Variants in RSPO2 observed in about 807,000 individuals in gnomAD.
RSPO2 encodes R-spondin 2.
In RSPO2, 14 loss-of-function variants were observed where a neutral mutation model predicts 30.9. The observed-to-expected ratio is 0.45, with a 90% CI of 0.30 to 0.71. The LOEUF is 0.71. Among genes scored for constraint, RSPO2 ranks in the 30% least tolerant of loss-of-function variants. RSPO2 has a pLI of 0.08. For synonymous variants in RSPO2, 107 were observed against 96.4 expected (o/e 1.11, Z -0.64); for missense variants, 264 against 301.9 (o/e 0.87, Z 0.93).
chr8:107,905,379 G>A (rs370865951), intron 5 of RSPO2, among the ~76,000 whole-genome samples: 57 of 152,040 alleles, frequency 3.7e-4, no homozygotes, highest in East Asian at 1.5e-3. Flanking sequence ...ATATGTATAC[G>A]TAATACATGG....
rs1232139677 is a variant in RSPO2, at chr8:108,055,964, T to C, written c.94+26581A>G. Among the ~76,000 whole-genome samples the C allele has an allele frequency of 3.9e-5, 6 of 152,176 alleles. No individual in the cohort carries two copies. In the South Asian group the frequency reaches 1.0e-3, roughly 26 times the overall value. On this transcript the variant is annotated intron_variant, in intron 2 of 5. Coordinates refer to ENST00000276659, the MANE Select transcript of RSPO2 (RefSeq NM_178565.5). ...ATGCCTAGATAGAATTCTAGTTCCA[T>C]CACTTATTAGCTCTGAACTTAGACA...
chr8:107,905,730 T>C (rs1403121589), intron 5 of RSPO2, among the ~76,000 whole-genome samples: 4 of 151,124 alleles, frequency 2.6e-5, no homozygotes, highest in African/African-American at 9.7e-5. Flanking sequence ...CTTTTACATC[T>C]AAAGTCAGAA....
chr8:108,029,921 G>A (rs192742279), intron 2 of RSPO2, among the ~76,000 whole-genome samples: 4 of 152,050 alleles, frequency 2.6e-5, no homozygotes, highest in African/African-American at 9.7e-5. Flanking sequence ...GATAGTCCTT[G>A]TCCTTGTAAA....
Position 107,901,866 on chromosome 8 carries a change from G to A in RSPO2, c.617-676C>T, listed in dbSNP as rs74362241. Among the ~76,000 whole-genome samples the A allele has an allele frequency of 5.3e-3, 803 of 152,276 alleles. 7 individuals carry two copies. Among genetic ancestry groups the A allele is most frequent in the African/African-American group, 0.017 (703 of 41,548 alleles). ...GGTGGTATGTGTCTAACTACCAGAC[G>A]ATCATACCAAGTATTTCTCTTCTTT... On this transcript the variant is annotated intron_variant, in intron 5 of 5. Coordinates refer to ENST00000276659, the MANE Select transcript of RSPO2 (RefSeq NM_178565.5).
chr8:108,062,151 C>CA (rs1261931740), intron 2 of RSPO2, among the ~76,000 whole-genome samples: 1 of 151,746 alleles, frequency 6.6e-6, no homozygotes, highest in Non-Finnish European at 1.5e-5. Context: ...CAAACACATT[C>CA]AAAAGCTAGC....
At chr8:107,982,414 T>C (rs1814474782) in intron 3 of RSPO2, among the ~76,000 whole-genome samples, 1 of 152,188 alleles carries the variant, frequency 6.6e-6, no homozygotes, top group South Asian at 2.1e-4. Flanking sequence ...TGTCCAAGGC[T>C]AATTTTCCCA....
chr8:107,954,427 C>T (rs1813348628), intron 5 of RSPO2, among the ~76,000 whole-genome samples: 1 of 151,988 alleles, frequency 6.6e-6, no homozygotes, highest in South Asian at 2.1e-4. Context: ...TAAATTGGTC[C>T]CAACATGATT....
At chr8:107,952,288 T>TGC (rs1813276727) in intron 5 of RSPO2, among the ~76,000 whole-genome samples, 1 of 90,094 alleles carries the variant, frequency 1.1e-5, no homozygotes, top group Non-Finnish European at 2.6e-5. Context: ...CACACACACA[T>TGC]GCACACACAC....
chr8:108,024,025 T>C (rs1331101193), intron 2 of RSPO2, among the ~76,000 whole-genome samples: 1 of 152,096 alleles, frequency 6.6e-6, no homozygotes, highest in East Asian at 1.9e-4. Flanking sequence ...ATTACTAAAA[T>C]TTCATGGTGT....
At position 108,032,922 on chromosome 8, in the gene RSPO2, C is replaced by T. The variant is rs563483310; in HGVS notation, c.95-43678G>A. Among the ~76,000 whole-genome samples the T allele has an allele frequency of 3.6e-3, 548 of 151,752 alleles. 1 individual carries two copies. The highest frequency in any genetic ancestry group is 5.9e-3 in the Non-Finnish European group (400 of 67,898). On this transcript the variant is annotated intron_variant, in intron 2 of 5. Coordinates refer to ENST00000276659, the MANE Select transcript of RSPO2 (RefSeq NM_178565.5). ...AAAATTAGCCGGGTGTGGTGGCAGG[C>T]ACCTGTAGTCCCAGCTACTTGGGAG...
At chr8:107,934,898 C>T (rs1034205849) in intron 5 of RSPO2, among the ~76,000 whole-genome samples, 2 of 152,192 alleles carry the variant, frequency 1.3e-5, no homozygotes, top group African/African-American at 2.4e-5. Context: ...TGTCTTTAAT[C>T]TCTTAATCCC....
chr8:108,003,061 T>C lies in RSPO2; in HGVS notation c.95-13817A>G, dbSNP rs1331315915. On this transcript the variant is annotated intron_variant, in intron 2 of 5. Transcript: ENST00000276659. ...ATTTAGACCTCAATAATTTTTTTTT[T>C]TTTTTTTGAGACAGAGTTTCATTCT... 4.0e-5 allele frequency among the ~76,000 whole-genome samples: 6 copies of C among 150,580 alleles called. No homozygotes were observed. The East Asian group carries it at 9.7e-4, about 24-fold the overall frequency.
intron 2 of RSPO2, chr8:108,082,049 C>T: frequency 3.6e-6 from 1 of 281,376 alleles, no homozygotes; most frequent in Non-Finnish European, 5.4e-6. Flanking sequence ...CGCTTGGGTA[C>T]ACCCACACAC....
At chr8:108,046,777 C>T (rs1247609453) in intron 2 of RSPO2, among the ~76,000 whole-genome samples, 1 of 152,152 alleles carries the variant, frequency 6.6e-6, no homozygotes, top group Non-Finnish European at 1.5e-5. Context: ...TTTAAATATT[C>T]ACCCTATTAA....
rs117853429 is a variant in RSPO2 at position 108,057,786 on chromosome 8, T to G, written c.94+24759A>C. On this transcript the variant is annotated intron_variant, in intron 2 of 5. Transcript: ENST00000276659. Reference sequence around the variant, plus strand: ...TGCAATATAACCAGTTTCTTCAGTTTGCAATACTGTTTGTTCTTTTAAGAG... The same window carrying G: ...TGCAATATAACCAGTTTCTTCAGTTGGCAATACTGTTTGTTCTTTTAAGAG... 1.3e-3 allele frequency among the ~76,000 whole-genome samples: 193 copies of G among 151,526 alleles called. 8 individuals carry two copies. The East Asian group carries it at 0.036, about 28-fold the overall frequency.
intron 5 of RSPO2, among the ~76,000 whole-genome samples, chr8:107,911,223 G>T (rs929594865): frequency 6.6e-6 from 1 of 152,146 alleles, no homozygotes; most frequent in Middle Eastern, 3.2e-3. Flanking sequence ...AATAGCCTCT[G>T]TCCTCTTTTG....
chr8:107,965,033 C>G (rs1440647284), intron 3 of RSPO2, among the ~76,000 whole-genome samples: 1 of 152,162 alleles, frequency 6.6e-6, no homozygotes, highest in African/African-American at 2.4e-5. Flanking sequence ...ACCATTAAAA[C>G]ACCAGTAGGA....
intron 3 of RSPO2, among the ~76,000 whole-genome samples, chr8:107,962,794 A>C (rs767757672): frequency 3.3e-5 from 5 of 152,210 alleles, no homozygotes; most frequent in Non-Finnish European, 5.9e-5. Context: ...AGATGAAAAA[A>C]AAAAGCTCTT....
At chr8:107,975,393 A>C (rs1362018160) in intron 3 of RSPO2, among the ~76,000 whole-genome samples, 2 of 152,210 alleles carry the variant, frequency 1.3e-5, no homozygotes, top group African/African-American at 4.8e-5. Context: ...TCAGCCACAC[A>C]CACACTCTAG....
Sources: gnomAD v4.1 joint callset for allele counts (sites outside exome capture counted in the v4.1 genomes callset) on GRCh38, gnomAD v4.1.1 for gene constraint, MANE v1.5 for transcripts, NCBI Gene and HGNC (gene_info 2026-07-23, HGNC 2026-07-21) for gene names.